The following SPG11 variants were observed in gnomAD, a reference collection of about 807,000 sequenced individuals.
The protein encoded by SPG11 is SPG11 vesicle trafficking associated, spatacsin.
In SPG11, 222 loss-of-function variants were observed where a neutral mutation model predicts 274.0. That is an observed-to-expected ratio of 0.81 (90% confidence interval 0.73 to 0.91). The LOEUF (loss-of-function observed/expected upper bound fraction) is 0.91. SPG11 is among the 40% of genes least tolerant of loss of function. SPG11 has a pLI of 0.00. For missense variants in SPG11, 3,114 were observed against 2,872.7 expected (o/e 1.08, Z -1.92); for synonymous variants, 1,144 against 1,039.7 (o/e 1.10, Z -1.93).
chr15:44,612,941 G>C (rs1444681932), intron 17 of SPG11, among the ~76,000 whole-genome samples: 1 of 152,182 alleles, frequency 6.6e-6, no homozygotes, highest in African/African-American at 2.4e-5. Context: ...TCAGGGGTAA[G>C]AAGCCTTTTC....
rs182388476 is a variant in SPG11 at position 44,623,853 on chromosome 15, C to T, written c.2245-1054G>A. 2.6e-4 allele frequency among the ~76,000 whole-genome samples: 40 copies of T among 152,022 alleles called. 1 individual carries two copies. Among genetic ancestry groups the T allele is most frequent in the Middle Eastern group, 3.4e-3 (1 of 294 alleles). On this transcript the variant is annotated intron_variant, in intron 11 of 39. Transcript: ENST00000261866. The stretch of plus-strand genomic sequence containing the variant: ...TCAGGTCACTGCAACCTCTGCCTCC[C>T]GGGTTCAAATGATTCTTGTGCCTCA...
At chr15:44,629,746 G>GT (rs2084004566) in intron 8 of SPG11, among the ~76,000 whole-genome samples, 1 of 152,160 alleles carries the variant, frequency 6.6e-6, no homozygotes, top group African/African-American at 2.4e-5. Flanking sequence ...GGTTCAGAGA[G>GT]GATAAGTAAC....
intron 39 of SPG11, 97 bp downstream of exon 39, chr15:44,564,450 C>T (rs1490609902): frequency 8.1e-7 from 1 of 1,233,070 alleles, no homozygotes; most frequent in Non-Finnish European, 1.2e-6. Context: ...TAGAGGTAAT[C>T]TAAAGGCATG....
chr15:44,641,899 C>A (rs1595915630), intron 7 of SPG11, among the ~76,000 whole-genome samples: 3 of 110,842 alleles, frequency 2.7e-5, no homozygotes, highest in Admixed American at 1.2e-4. Flanking sequence ...ACATGAGAAA[C>A]TTTACAGCAA....
intron 38 of SPG11, 69 bp from the exon 39 acceptor site, chr15:44,564,767 T>C: frequency 2.0e-6 from 3 of 1,517,834 alleles, no homozygotes. Context: ...CAAACTGTTG[T>C]AGAAAACAAT....
chr15:44,611,401 A>G (rs2083457127), intron 17 of SPG11, among the ~76,000 whole-genome samples: 1 of 152,186 alleles, frequency 6.6e-6, no homozygotes, highest in African/African-American at 2.4e-5. Context: ...AAACTATATA[A>G]TTCACTAGCA....
chr15:44,624,185 C>T (rs1702188257), intron 11 of SPG11, among the ~76,000 whole-genome samples: 2 of 149,680 alleles, frequency 1.3e-5, no homozygotes, highest in South Asian at 2.1e-4. Flanking sequence ...TATTATTTGG[C>T]CTTAAAAAAA....
chr15:44,628,234 T>C (rs553045151), intron 10 of SPG11, among the ~76,000 whole-genome samples: 8 of 152,340 alleles, frequency 5.3e-5, no homozygotes, highest in African/African-American at 1.4e-4. Flanking sequence ...GAATTTCAGA[T>C]AGGACTAAAA....
At chr15:44,633,452 T>C in intron 8 of SPG11, 53 bp downstream of exon 8, 3 of 1,460,116 alleles carry the variant, frequency 2.1e-6, no homozygotes, top group Non-Finnish European at 2.8e-6. Flanking sequence ...CTTTGAAAGT[T>C]ATTAAGAAGA....
intron 18 of SPG11, among the ~76,000 whole-genome samples, chr15:44,610,434 G>A (rs1218064064): frequency 6.6e-6 from 1 of 152,128 alleles, no homozygotes; most frequent in Non-Finnish European, 1.5e-5. Context: ...CCAGGCTGGA[G>A]TGCAGTGGTA....
At chr15:44,661,843 G>A (rs1442391894) in intron 1 of SPG11, among the ~76,000 whole-genome samples, 1 of 152,136 alleles carries the variant, frequency 6.6e-6, no homozygotes, top group Non-Finnish European at 1.5e-5. Flanking sequence ...GAAAAAGTAG[G>A]AAGTAAACTC....
At chr15:44,640,949 C>T (rs372872190) in intron 7 of SPG11, among the ~76,000 whole-genome samples, 4 of 152,180 alleles carry the variant, frequency 2.6e-5, no homozygotes, top group South Asian at 4.1e-4. Flanking sequence ...AGGATGGTCT[C>T]GATCTCTTGA....
Position 44,584,319 on chromosome 15 carries a change from G to T in SPG11, c.5361C>A (p.Asp1787Glu). The T allele has an allele frequency of 6.2e-7, 1 of 1,611,360 alleles. No homozygotes were observed. The highest frequency in any genetic ancestry group is 8.5e-7 in the Non-Finnish European group (1 of 1,178,232). Residue 1787 changes from aspartate (D) to glutamate (E), a missense_variant, in exon 30 of 40, where the codon GAC (aspartate) becomes GAA (glutamate). Coordinates refer to ENST00000261866, the MANE Select transcript of SPG11 (RefSeq NM_025137.4). ...TLAGHWLAQE[D>E]VVPLDKLEEL... Reference sequence around the variant, plus strand: ...CCTCCAGCTTATCCAAGGGCACCACGTCCTCCTGGGCAAGCCAGTGCCCTG... The same window carrying T: ...CCTCCAGCTTATCCAAGGGCACCACTTCCTCCTGGGCAAGCCAGTGCCCTG...
intron 7 of SPG11, among the ~76,000 whole-genome samples, chr15:44,642,469 C>A (rs1307212708): frequency 2.1e-4 from 31 of 150,982 alleles, no homozygotes; most frequent in Non-Finnish European, 8.9e-5. Context: ...CACAGTGGTT[C>A]CATTTTATGC....
chr15:44,645,330 C>T (rs1467157281), intron 7 of SPG11, among the ~76,000 whole-genome samples: 2 of 152,214 alleles, frequency 1.3e-5, no homozygotes, highest in African/African-American at 4.8e-5. Context: ...CTACAGCCAT[C>T]TGGTTTTCCA....
chr15:44,580,535 T>C (rs1420738204), intron 30 of SPG11, among the ~76,000 whole-genome samples: 1 of 152,166 alleles, frequency 6.6e-6, no homozygotes, highest in Non-Finnish European at 1.5e-5. Flanking sequence ...TCCCAGCACT[T>C]TGGGAGGCCG....
At chr15:44,628,467 C>T (rs1180105342) in intron 10 of SPG11, among the ~76,000 whole-genome samples, 2 of 152,136 alleles carry the variant, frequency 1.3e-5, no homozygotes, top group African/African-American at 4.8e-5. Flanking sequence ...AGGGAGCCTA[C>T]CCTTATAGCG....
rs2082334878 is a variant in SPG11, at chr15:44,567,498, A to G, written c.6680T>C (p.Met2227Thr). Residue 2227 changes from methionine to threonine, a missense_variant, in exon 36 of 40, where the codon ATG becomes ACG. Met to Thr is a moderately conservative substitution (Grantham distance 81). Transcript: ENST00000261866. ...GTGGTTCTCGCCAATCTCCCGGCAC[A>G]TGCTGAAGCACAGGGCAATCATATT... ...KHNMIALCFS[M>T]CREIGENHEA... 1.9e-6 allele frequency: 3 copies of G among 1,614,096 alleles called. No homozygotes were observed. Among genetic ancestry groups the G allele is most frequent in the South Asian group, 1.1e-5 (1 of 91,082 alleles).
At chr15:44,566,175 C>A (rs748948144) in intron 37 of SPG11, 42 bp downstream of exon 37, 20 of 1,608,572 alleles carry the variant, frequency 1.2e-5, no homozygotes, top group African/African-American at 2.7e-5. Flanking sequence ...TTACTGCAGA[C>A]AGCAAGTCCC....
Sources: allele counts gnomAD v4.1 joint callset (sites outside exome capture counted in the v4.1 genomes callset), GRCh38; gene constraint gnomAD v4.1.1; transcripts MANE v1.5; gene names NCBI Gene and HGNC (gene_info 2026-07-23, HGNC 2026-07-21).